The following MAN1B1 variants were observed in gnomAD, a reference collection of about 807,000 sequenced individuals.
The protein encoded by MAN1B1 is endoplasmic reticulum mannosyl-oligosaccharide 1,2-alpha-mannosidase.
A neutral mutation model predicts 75.5 loss-of-function variants in MAN1B1; 66 were observed. That is an observed-to-expected ratio of 0.87 (90% CI 0.72 to 1.07). The LOEUF (loss-of-function observed/expected upper bound fraction) is 1.07, where lower values mean the gene tolerates loss of function less well. Ranked by LOEUF, MAN1B1 falls within the 50% of genes least tolerant of loss-of-function variation. The pLI is 0.00. For synonymous variants in MAN1B1, 453 were observed against 382.8 expected (o/e 1.18, Z -2.14); for missense variants, 973 against 912.5 (o/e 1.07, Z -0.85).
chr9:137,098,050 G>A (rs747604863), intron 5 of MAN1B1, 113 bp downstream of exon 5: 6 of 768,118 alleles, frequency 7.8e-6, no homozygotes, highest in East Asian at 5.4e-5. Flanking sequence ...TGTGCACCTT[G>A]CCCTTCAGCA....
rs780489255 is a variant in MAN1B1 at position 137,088,232 on chromosome 9, T to C, written c.328+49T>C. On this transcript the variant is annotated intron_variant, in intron 2 of 12. Transcript: ENST00000371589. Reference sequence around the variant, plus strand: ...AAACGATATCTGTGTTGAGGGTTGATTGGGCAGAAGCAATCTTGCATTCTA... The same window carrying C: ...AAACGATATCTGTGTTGAGGGTTGACTGGGCAGAAGCAATCTTGCATTCTA... 1.9e-6 allele frequency: 3 copies of C among 1,613,990 alleles called. No homozygotes were observed. The South Asian group carries it at 3.3e-5, about 18-fold the overall frequency.
At chr9:137,107,980 G>A in intron 12 of MAN1B1, 2 of 625,502 alleles carry the variant, frequency 3.2e-6, no homozygotes, top group Non-Finnish European at 5.8e-6. Context: ...ACGCACCCAT[G>A]ACTGGGGCAC....
Position 137,101,656 on chromosome 9 carries a change from G to A in MAN1B1, c.1238G>A (p.Gly413Glu), listed in dbSNP as rs778637907. ...LEFRELSRLT[G>E]DKKFQEAVEK... ...TTCCGGGAGCTCTCCCGTCTCACAGGGGATAAGAAGTTTCAGGTAAGGGGG... is the reference window on the plus strand; with the variant it reads ...TTCCGGGAGCTCTCCCGTCTCACAGAGGATAAGAAGTTTCAGGTAAGGGGG... Residue 413 changes from glycine (G) to glutamate (E), a missense_variant, in exon 8 of 13, where the codon GGG (glycine) becomes GAG (glutamate). Physicochemically the swap from Gly to Glu is moderately conservative, Grantham distance 98. Coordinates refer to ENST00000371589, the MANE Select transcript of MAN1B1 (RefSeq NM_016219.5). The A allele has an allele frequency of 5.0e-6, 8 of 1,612,286 alleles. No homozygotes were observed. In the South Asian group the frequency reaches 7.7e-5, roughly 15 times the overall value.
At chr9:137,089,610 A>G (rs913842651) in intron 3 of MAN1B1, among the ~76,000 whole-genome samples, 4 of 152,140 alleles carry the variant, frequency 2.6e-5, no homozygotes, top group African/African-American at 9.7e-5. Context: ...GGCAGCATGG[A>G]GGGTCCAGTT....
chr9:137,095,371 T>C (rs1428309479), intron 3 of MAN1B1, among the ~76,000 whole-genome samples: 1 of 151,438 alleles, frequency 6.6e-6, no homozygotes, highest in Non-Finnish European at 1.5e-5. Context: ...TCTTTCCTTT[T>C]TTAAAAAAAA....
At chr9:137,104,352 A>G (rs567632014) in intron 8 of MAN1B1, 81 of 300,936 alleles carry the variant, frequency 2.7e-4, no homozygotes, top group African/African-American at 1.7e-3. Context: ...CTCCTGCCTC[A>G]GCCTCCCAAG....
intron 5 of MAN1B1, among the ~76,000 whole-genome samples, 180 bp from the exon 6 acceptor site, chr9:137,099,516 G>T (rs984137326): frequency 6.6e-6 from 1 of 152,246 alleles, no homozygotes; most frequent in African/African-American, 2.4e-5. Flanking sequence ...TCTCCCTGGG[G>T]GCTGCTGCAG....
chr9:137,100,574 G>A (rs144705040), intron 6 of MAN1B1, among the ~76,000 whole-genome samples: 36 of 152,298 alleles, frequency 2.4e-4, no homozygotes, highest in African/African-American at 6.5e-4. Flanking sequence ...CTGGGCTGGA[G>A]TGCAATGGCG....
At position 137,087,085 on chromosome 9, in the gene MAN1B1, G is replaced by T; in HGVS notation, c.86G>T (p.Trp29Leu). 6.2e-7 allele frequency: 1 copy of T among 1,600,476 alleles called. No individual in the cohort carries two copies. ...FLTPPVGGAP[W>L]AVATTVVMYP... ...ACGCCGCCAGTGGGCGGGGCCCCTT[G>T]GGCCGTCGCCACCACTGTAGTCATG... The change falls in exon 1 of 13, where the codon TGG (tryptophan) becomes TTG (leucine). Residue 29 changes from tryptophan to leucine, a missense_variant. Physicochemically the swap from Trp to Leu is moderately conservative, Grantham distance 61. Coordinates refer to ENST00000371589, the MANE Select transcript of MAN1B1 (RefSeq NM_016219.5).
Position 137,105,871 on chromosome 9 carries a change from T to C in MAN1B1, c.1255-254T>C, listed in dbSNP as rs145585283. 4.7e-3 allele frequency: 3,066 copies of C among 652,198 alleles called. 23 individuals are homozygous for C. Among genetic ancestry groups the C allele is most frequent in the African/African-American group, 0.023 (1,278 of 56,298 alleles). 40.4% of individuals were successfully genotyped at this position (652,198 alleles called of 1,614,324 possible). A position where few individuals can be genotyped will look rare whatever the true frequency, so the allele number is the denominator to read the frequency against. ...TAAGGGATGAGAGCCATCCTGAAGA[T>C]GGGTCAGCTCTGTGGTGACCACCCG... On this transcript the variant is annotated intron_variant, in intron 8 of 12. Transcript: ENST00000371589.
At position 137,099,861 on chromosome 9, in the gene MAN1B1, G is replaced by C; in HGVS notation, c.896G>C (p.Trp299Ser). Reference sequence around the variant, plus strand: ...CTGATCGACGCGCTGGACACCATGTGGATCTTGGGTCTGAGGAAAGGTACC... The same window carrying C: ...CTGATCGACGCGCTGGACACCATGTCGATCTTGGGTCTGAGGAAAGGTACC... ...LTLIDALDTM[W>S]ILGLRKEFEE... is the part of the protein sequence containing the mutation. Residue 299 changes from tryptophan to serine, a missense_variant, in exon 6 of 13, where the codon TGG becomes TCG. By Grantham distance (177) the Trp-to-Ser change is radical. Transcript: ENST00000371589. 1.2e-6 allele frequency: 2 copies of C among 1,614,180 alleles called. No homozygotes were observed. Among genetic ancestry groups the C allele is most frequent in the Non-Finnish European group, 1.7e-6 (2 of 1,180,044 alleles).
At chr9:137,091,744 T>A (rs1053215876) in intron 3 of MAN1B1, among the ~76,000 whole-genome samples, 2 of 151,942 alleles carry the variant, frequency 1.3e-5, no homozygotes, top group African/African-American at 4.8e-5. Flanking sequence ...GCCAGGATGG[T>A]CTTGATCACC....
At chr9:137,102,165 T>A (rs1474586304) in intron 8 of MAN1B1, 50 of 436,978 alleles carry the variant, frequency 1.1e-4, no homozygotes, top group Non-Finnish European at 1.3e-4. Context: ...TTACACACAT[T>A]CCTGCTGTTG....
At position 137,106,107 on chromosome 9, in the gene MAN1B1, TC is replaced by T. The variant is rs754798553; in HGVS notation, c.1255-13del. The T allele has an allele frequency of 3.0e-5, 48 of 1,608,238 alleles. No individual in the cohort carries two copies. In the African/African-American group the frequency reaches 5.6e-4, roughly 19 times the overall value. ...TCGGCCCTGGCCAGTAAACCCACCA[TC>T]CCCCTTTCTGCCGCAGGAGGCAGTG... On this transcript the variant is annotated splice_polypyrimidine_tract_variant and intron_variant, in intron 8 of 12. Transcript: ENST00000371589.
At chr9:137,098,323 A>G (rs1315210459) in intron 5 of MAN1B1, among the ~76,000 whole-genome samples, 4 of 152,222 alleles carry the variant, frequency 2.6e-5, no homozygotes, top group Non-Finnish European at 5.9e-5. Flanking sequence ...GCCTTCGGCC[A>G]AGCTCAGTGC....
At chr9:137,089,509 G>A (rs1830464599) in intron 3 of MAN1B1, among the ~76,000 whole-genome samples, 2 of 152,202 alleles carry the variant, frequency 1.3e-5, no homozygotes, top group Admixed American at 6.5e-5. Flanking sequence ...AGGCAAGGAG[G>A]ACCTTGGCAT....
intron 3 of MAN1B1, among the ~76,000 whole-genome samples, chr9:137,094,874 C>T (rs1317181510): frequency 6.7e-6 from 1 of 148,916 alleles, no homozygotes; most frequent in Non-Finnish European, 1.5e-5. Context: ...GAGTAAAACT[C>T]TGTCTCAAAA....
In MAN1B1 at chr9:137,098,027, GC is replaced by G. The variant is rs1050624257; in HGVS notation, c.730+95del. The G allele has an allele frequency of 9.1e-6, 9 of 984,626 alleles. No homozygotes were observed. In the African/African-American group the frequency reaches 1.1e-4, roughly 12 times the overall value. The allele number at this position is 984,626 out of a possible 1,614,324, so 61.0% of individuals were successfully genotyped here. On this transcript the variant is annotated intron_variant, in intron 5 of 12. Coordinates refer to ENST00000371589, the MANE Select transcript of MAN1B1 (RefSeq NM_016219.5). ...CTTCGTCTCAGCCATGGTGGGTGGC[GC>G]CCCCGCCCTGGTGTGCACCTTGCCC...
intron 12 of MAN1B1, 168 bp downstream of exon 12, chr9:137,107,830 C>A (rs763111479): frequency 1.2e-6 from 1 of 828,604 alleles, no homozygotes; most frequent in Non-Finnish European, 2.0e-6. Context: ...GGGGCCCTGG[C>A]ATCCCCATCC....
Sources: allele counts gnomAD v4.1 joint callset (sites outside exome capture counted in the v4.1 genomes callset), GRCh38; gene constraint gnomAD v4.1.1; transcripts MANE v1.5; gene names NCBI Gene and HGNC (gene_info 2026-07-23, HGNC 2026-07-21).